GFOD2: variants seen among roughly 807,000 people sequenced by gnomAD.
GFOD2 encodes Gfo/Idh/MocA-like oxidoreductase domain containing 2, also known as glucose-fructose oxidoreductase domain-containing protein 2.
GFOD2 carries 9 observed loss-of-function variants against 24.6 expected under a neutral mutation model. That is an observed-to-expected ratio of 0.37 (90% CI 0.22 to 0.64). The LOEUF is 0.64. Among genes scored for constraint, GFOD2 ranks in the 30% least tolerant of loss-of-function variants. The pLI is 0.65. For synonymous variants in GFOD2, 211 were observed against 224.8 expected, an observed-to-expected ratio of 0.94 and a Z score of 0.55; for missense variants, 476 against 532.5, an observed-to-expected ratio of 0.89 and a Z score of 1.04.
At chr16:67,714,111 G>A (rs1333119062) in intron 1 of GFOD2, among the ~76,000 whole-genome samples, 1 of 152,124 alleles carries the variant, frequency 6.6e-6, no homozygotes, top group Non-Finnish European at 1.5e-5. Flanking sequence ...CTGACCGTAT[G>A]AACTAGCTTT....
chr16:67,711,349 G>A (rs567796626), intron 1 of GFOD2, among the ~76,000 whole-genome samples: 42 of 152,110 alleles, frequency 2.8e-4, no homozygotes, highest in African/African-American at 9.4e-4. Context: ...CTCTTCACCC[G>A]ACTTCCACAA....
chr16:67,706,073 C>G (rs373014622), intron 1 of GFOD2, among the ~76,000 whole-genome samples: 1 of 150,134 alleles, frequency 6.7e-6, no homozygotes, highest in African/African-American at 2.5e-5. Flanking sequence ...ACCTCCGCCT[C>G]CGGGGTTCAA....
intron 2 of GFOD2, among the ~76,000 whole-genome samples, chr16:67,678,476 CAAAAAAAA>C (rs144320358): frequency 1.3e-5 from 1 of 74,974 alleles, no homozygotes; most frequent in South Asian, 4.8e-4. Context: ...AACTCTGTCT[CAAAAAAAA>C]AAAAAAAAAA....
intron 2 of GFOD2, chr16:67,680,969 T>C (rs1597791265): frequency 3.0e-6 from 3 of 985,364 alleles, no homozygotes; most frequent in Non-Finnish European, 2.4e-6. Flanking sequence ...ATACCTGGGA[T>C]AGGGTGGCCA....
At chr16:67,717,014 A>C (rs2053511388) in intron 1 of GFOD2, among the ~76,000 whole-genome samples, 1 of 152,160 alleles carries the variant, frequency 6.6e-6, no homozygotes, top group African/African-American at 2.4e-5. Context: ...CTCCTGCCTC[A>C]GCCTCCCAAG....
At chr16:67,679,232 TTTTC>T (rs1016149843) in intron 2 of GFOD2, among the ~76,000 whole-genome samples, 2 of 151,752 alleles carry the variant, frequency 1.3e-5, no homozygotes, top group African/African-American at 4.8e-5. Flanking sequence ...TTTCTTTTTT[TTTTC>T]TTTTTTTTTT....
chr16:67,682,992 AGTCTTACTC>A, intron 2 of GFOD2: 1 of 326,468 alleles, frequency 3.1e-6, no homozygotes, highest in Non-Finnish European at 4.4e-6. Context: ...CTTTTGAGAC[AGTCTTACTC>A]TGTCACTCAA....
rs967829907 is a variant in GFOD2, at chr16:67,676,162, A to AT, written c.260-110dup. The AT allele has an allele frequency of 5.8e-4, 645 of 1,106,382 alleles. 3 individuals carry two copies. Among genetic ancestry groups the AT allele is most frequent in the South Asian group, 1.8e-3 (110 of 60,106 alleles). The allele number at this position is 1,106,382 out of a possible 1,614,324, so 68.5% of individuals were successfully genotyped here. A position where few individuals can be genotyped will look rare whatever the true frequency, so the allele number is the denominator to read the frequency against. ...CTCTGCCTTACAACTGCACGAACTAATTTTTTTTTCTTTTTTGTAGAGGTG... is the reference window on the plus strand; with the variant it reads ...CTCTGCCTTACAACTGCACGAACTAATTTTTTTTTTCTTTTTTGTAGAGGTG... On this transcript the variant is annotated intron_variant, in intron 2 of 2. Transcript: ENST00000268797.
At chr16:67,679,222 TTTC>T (rs1267933931) in intron 2 of GFOD2, among the ~76,000 whole-genome samples, 2 of 151,788 alleles carry the variant, frequency 1.3e-5, no homozygotes, top group Admixed American at 6.6e-5. Flanking sequence ...AGGTAAATAA[TTTC>T]TTTTTTTTTT....
At chr16:67,682,282 C>T (rs1351986615) in intron 2 of GFOD2, 25 of 885,288 alleles carry the variant, frequency 2.8e-5, no homozygotes, top group African/African-American at 3.6e-5. Flanking sequence ...GTGATCCGCC[C>T]GCCTCGGCCT....
intron 2 of GFOD2, chr16:67,680,989 AC>A: frequency 1.0e-6 from 1 of 985,452 alleles, no homozygotes; most frequent in Non-Finnish European, 1.2e-6. Context: ...AGGCCCTTGC[AC>A]GGGGCCCGGC....
chr16:67,689,597 G>C (rs2142994649), intron 1 of GFOD2, among the ~76,000 whole-genome samples: 1 of 152,106 alleles, frequency 6.6e-6, no homozygotes, highest in African/African-American at 2.4e-5. Context: ...CTGGAACCCG[G>C]GAGGCGGAGG....
intron 1 of GFOD2, among the ~76,000 whole-genome samples, chr16:67,703,360 G>C (rs920488414): frequency 6.6e-6 from 1 of 152,016 alleles, no homozygotes; most frequent in Admixed American, 6.6e-5. Context: ...CCGAGATAGC[G>C]CCTTTGCACT....
intron 1 of GFOD2, among the ~76,000 whole-genome samples, chr16:67,710,007 G>A (rs992643586): frequency 3.3e-5 from 5 of 152,062 alleles, no homozygotes; most frequent in African/African-American, 1.2e-4. Context: ...GTGCAGTGGT[G>A]CACTCTTGGC....
chr16:67,676,189 G>A (rs1168358862), intron 2 of GFOD2, 136 bp from the exon 3 acceptor site: 6 of 830,682 alleles, frequency 7.2e-6, no homozygotes, highest in Non-Finnish European at 1.1e-5. Context: ...GTAGAGGTGG[G>A]GTCTTGCTAT....
Position 67,719,306 on chromosome 16 carries a change from G to C in GFOD2, c.-231C>G, listed in dbSNP as rs1852230854. ...AGGGCGCCGCCACCGGGAACGCGCC[G>C]CCTGGTTTCTAAGGAACTGGGGGCT... On this transcript the variant is annotated 5_prime_UTR_variant, in exon 1 of 3. Coordinates refer to ENST00000268797, the MANE Select transcript of GFOD2 (RefSeq NM_030819.4). 1 of 152,246 alleles carries C rather than the reference G, an allele frequency of 6.6e-6. No homozygotes were observed. Among genetic ancestry groups the C allele is most frequent in the African/African-American group, 2.4e-5 (1 of 41,442 alleles). 9.4% of individuals were successfully genotyped at this position (152,246 alleles called of 1,614,324 possible). A position where few individuals can be genotyped will look rare whatever the true frequency, so the allele number is the denominator to read the frequency against.
intron 2 of GFOD2, among the ~76,000 whole-genome samples, chr16:67,679,357 T>A (rs1415403889): frequency 6.6e-6 from 1 of 151,530 alleles, no homozygotes. Context: ...CTCAGCCTCC[T>A]GAGCTAGCTG....
At chr16:67,712,050 T>C (rs2053478093) in intron 1 of GFOD2, among the ~76,000 whole-genome samples, 2 of 152,180 alleles carry the variant, frequency 1.3e-5, no homozygotes, top group African/African-American at 4.8e-5. Context: ...CATTGCTATA[T>C]CCCTAGTGCC....
In GFOD2 at chr16:67,675,648, A is replaced by C. The variant is rs1597788626; in HGVS notation, c.665T>G (p.Phe222Cys). The C allele has an allele frequency of 6.2e-7, 1 of 1,613,334 alleles. No individual in the cohort carries two copies. Among genetic ancestry groups the C allele is most frequent in the Non-Finnish European group, 8.5e-7 (1 of 1,180,042 alleles). Residue 222 changes from phenylalanine to cysteine, a missense_variant, in exon 3 of 3, where the codon TTC (phenylalanine) becomes TGC (cysteine). By Grantham distance (205) the Phe-to-Cys change is radical. Transcript: ENST00000268797. ...ACCCATGAGCATCTGGAAGAAACAG[A>C]AGTCATCGCTAGTGACGTGCCGGAT... ...RGIRHVTSDD[F>C]CFFQMLMGGG...
Sources: allele counts gnomAD v4.1 joint callset (sites outside exome capture counted in the v4.1 genomes callset), GRCh38; gene constraint gnomAD v4.1.1; transcripts MANE v1.5; gene names NCBI Gene and HGNC (gene_info 2026-07-23, HGNC 2026-07-21).